The following SCRN1 variants were observed in gnomAD, a reference collection of about 807,000 sequenced individuals.
SCRN1 encodes secernin-1.
SCRN1 carries 19 observed loss-of-function variants against 43.3 expected under a neutral mutation model. That is an observed-to-expected ratio of 0.44 (90% confidence interval 0.31 to 0.64). The LOEUF (loss-of-function observed/expected upper bound fraction) is 0.64. Among genes scored for constraint, SCRN1 ranks in the 30% least tolerant of loss-of-function variants. The pLI is 0.09. For missense variants in SCRN1, 447 were observed against 524.1 expected, an observed-to-expected ratio of 0.85 and a Z score of 1.44; for synonymous variants, 183 against 188.9, an observed-to-expected ratio of 0.97 and a Z score of 0.26.
intron 3 of SCRN1, among the ~76,000 whole-genome samples, chr7:29,951,849 C>T (rs1787937375): frequency 6.6e-6 from 1 of 152,192 alleles, no homozygotes; most frequent in African/African-American, 2.4e-5. Context: ...TCCCTTATGT[C>T]TCTTTGAACT....
rs557672743 is a variant in SCRN1, at chr7:29,942,324, G to A, written c.545-1448C>T. ...ATCCATCACACCGCTGCTGGGATCA[G>A]ACGACATGAAATCAGTAAGTCCAAG... On this transcript the variant is annotated intron_variant, in intron 4 of 7. Transcript: ENST00000242059. Among the ~76,000 whole-genome samples, 21 of 152,332 alleles carry A rather than the reference G, an allele frequency of 1.4e-4. No homozygotes were observed. In the South Asian group the frequency reaches 4.4e-3, roughly 32 times the overall value.
In SCRN1 at chr7:29,923,883, G is replaced by C. The variant is rs1478742461; in HGVS notation, c.*74C>G. The C allele has an allele frequency of 1.4e-5, 21 of 1,466,106 alleles. No individual in the cohort carries two copies. Among genetic ancestry groups the C allele is most frequent in the Non-Finnish European group, 1.8e-5 (20 of 1,081,456 alleles). 90.8% of individuals were successfully genotyped at this position (1,466,106 alleles called of 1,614,324 possible). On this transcript the variant is annotated 3_prime_UTR_variant, in exon 8 of 8. Coordinates refer to ENST00000242059, the MANE Select transcript of SCRN1 (RefSeq NM_014766.5). ...TAACTTTCTCATTTTACTCAAACAG[G>C]AGAGTGGTTTGTTTTGCTGGTAATT...
At chr7:29,958,276 G>A (rs1268919049) in intron 2 of SCRN1, among the ~76,000 whole-genome samples, 1 of 152,154 alleles carries the variant, frequency 6.6e-6, no homozygotes, top group South Asian at 2.1e-4. Context: ...GTTGGGGAGG[G>A]GTAAACACAC....
At chr7:29,927,318 G>A (rs1786996690) in intron 6 of SCRN1, among the ~76,000 whole-genome samples, 1 of 152,078 alleles carries the variant, frequency 6.6e-6, no homozygotes, top group Non-Finnish European at 1.5e-5. Flanking sequence ...GCCTGCATGT[G>A]TGTGTACTTG....
intron 3 of SCRN1, among the ~76,000 whole-genome samples, chr7:29,945,918 C>T (rs1022315086): frequency 1.3e-5 from 2 of 152,102 alleles, no homozygotes; most frequent in Non-Finnish European, 2.9e-5. Context: ...GTGGTACAAG[C>T]CAGTTCTTGG....
intron 6 of SCRN1, 62 bp from the exon 7 acceptor site, chr7:29,926,694 C>A (rs1786972991): frequency 7.1e-7 from 1 of 1,413,802 alleles, no homozygotes. Flanking sequence ...CACCCAGAGA[C>A]TGTCCTTTTA....
chr7:29,973,014 G>C (rs961646041), intron 1 of SCRN1, among the ~76,000 whole-genome samples: 1 of 152,178 alleles, frequency 6.6e-6, no homozygotes, highest in African/African-American at 2.4e-5. Flanking sequence ...TCATATTAAG[G>C]CTTCCAGTGA....
intron 3 of SCRN1, among the ~76,000 whole-genome samples, chr7:29,953,870 G>C (rs1220422620): frequency 1.3e-5 from 2 of 151,980 alleles, no homozygotes; most frequent in African/African-American, 2.4e-5. Flanking sequence ...GGAGTTCTTC[G>C]GAAGTCATCC....
rs1217818984 is a variant in SCRN1 at position 29,920,710 on chromosome 7, C to A, written c.*3247G>T. 1 of 152,224 alleles carries A rather than the reference C, an allele frequency of 6.6e-6. No homozygotes were observed. The highest frequency in any genetic ancestry group is 1.5e-5 in the Non-Finnish European group (1 of 68,046). 9.4% of individuals were successfully genotyped at this position (152,224 alleles called of 1,614,324 possible). A position where few individuals can be genotyped will look rare whatever the true frequency, so the allele number is the denominator to read the frequency against. On this transcript the variant is annotated 3_prime_UTR_variant, in exon 8 of 8. Coordinates refer to ENST00000242059, the MANE Select transcript of SCRN1 (RefSeq NM_014766.5). ...ACACTGGTCCCACCCGGCTTCCCTG[C>A]TGAACCACCCAGTACTGAATAACAC...
intron 3 of SCRN1, among the ~76,000 whole-genome samples, chr7:29,946,011 G>A (rs1469962120): frequency 1.3e-5 from 2 of 152,146 alleles, no homozygotes; most frequent in African/African-American, 4.8e-5. Flanking sequence ...TGTGCTGCCA[G>A]GGAGAAGAAA....
chr7:29,964,951 A>AAT (rs140642496), intron 2 of SCRN1, among the ~76,000 whole-genome samples: 23,841 of 147,622 alleles, frequency 0.16, 1,967 homozygotes, highest in African/African-American at 0.23. Context: ...CAAAAAACAA[A>AAT]ATATATATAT....
At chr7:29,962,104 C>A (rs1788341624) in intron 2 of SCRN1, among the ~76,000 whole-genome samples, 1 of 148,928 alleles carries the variant, frequency 6.7e-6, no homozygotes, top group Non-Finnish European at 1.5e-5. Flanking sequence ...CCCAGGAAAT[C>A]ATTTTCTGAG....
chr7:29,940,649 A>T, intron 5 of SCRN1, 33 bp downstream of exon 5: 1 of 1,556,744 alleles, frequency 6.4e-7, no homozygotes. Context: ...AAAGGGTATG[A>T]GAAGGAGAAT....
chr7:29,927,258 A>C (rs1353907030), intron 6 of SCRN1, among the ~76,000 whole-genome samples: 3 of 152,046 alleles, frequency 2.0e-5, no homozygotes, highest in South Asian at 2.1e-4. Flanking sequence ...TCTTCAATTC[A>C]GTTCTCTCGG....
intron 1 of SCRN1, among the ~76,000 whole-genome samples, chr7:29,985,651 T>G (rs1302929726): frequency 2.0e-5 from 3 of 152,100 alleles, no homozygotes; most frequent in African/African-American, 7.2e-5. Flanking sequence ...TATTTCTCCA[T>G]CCTAGCTGAA....
intron 7 of SCRN1, among the ~76,000 whole-genome samples, chr7:29,925,817 T>A (rs989145345): frequency 1.5e-5 from 2 of 134,152 alleles, no homozygotes; most frequent in Non-Finnish European, 3.1e-5. Flanking sequence ...AAGACCAGCC[T>A]GGCCAACAGG....
intron 1 of SCRN1, 50 bp from the exon 2 acceptor site, chr7:29,969,118 T>TC: frequency 6.3e-7 from 1 of 1,578,132 alleles, no homozygotes; most frequent in Non-Finnish European, 8.6e-7. Context: ...CATGGAACAC[T>TC]CCAACAGTGA....
intron 1 of SCRN1, among the ~76,000 whole-genome samples, chr7:29,977,097 T>C (rs944992276): frequency 1.3e-5 from 2 of 152,182 alleles, no homozygotes; most frequent in Non-Finnish European, 2.9e-5. Flanking sequence ...ACCTTACCCA[T>C]TGAAAAGAAA....
intron 6 of SCRN1, 66 bp from the exon 7 acceptor site, chr7:29,926,698 C>T: frequency 2.0e-6 from 3 of 1,471,946 alleles, no homozygotes; most frequent in Admixed American, 1.9e-5. Context: ...CAGAGACTGT[C>T]CTTTTATTCA....
Sources: allele counts gnomAD v4.1 joint callset (sites outside exome capture counted in the v4.1 genomes callset), GRCh38; gene constraint gnomAD v4.1.1; transcripts MANE v1.5; gene names NCBI Gene and HGNC (gene_info 2026-07-23, HGNC 2026-07-21).